GREM2: variants seen among roughly 807,000 people sequenced by gnomAD.
GREM2 encodes gremlin-2.
Under a neutral mutation model 14.2 loss-of-function variants are expected in GREM2, and 11 were observed. That is an observed-to-expected ratio of 0.78 (90% confidence interval 0.49 to 1.28). The LOEUF is 1.28. GREM2 is among the 50% of genes most tolerant of loss of function. The probability of loss-of-function intolerance (pLI) is 0.00; values close to 1 mark genes in which losing one functional copy is unlikely to be tolerated. For missense variants in GREM2, 210 were observed against 218.5 expected (o/e 0.96, Z 0.24); for synonymous variants, 98 against 97.6 (o/e 1.00, Z -0.02).
intron 1 of GREM2, among the ~76,000 whole-genome samples, chr1:240,495,860 G>A (rs573748694): frequency 3.9e-5 from 6 of 152,120 alleles, no homozygotes; most frequent in Admixed American, 2.6e-4. Flanking sequence ...TCCATGGAAC[G>A]TTTATTCTGG....
intron 1 of GREM2, among the ~76,000 whole-genome samples, chr1:240,499,574 G>A (rs188505368): frequency 9.9e-4 from 150 of 152,284 alleles, no homozygotes; most frequent in African/African-American, 3.4e-3. Flanking sequence ...GCACTTCATC[G>A]ATGACTTGGA....
intron 1 of GREM2, among the ~76,000 whole-genome samples, chr1:240,497,402 T>C (rs1677450970): frequency 6.6e-6 from 1 of 151,996 alleles, no homozygotes. Flanking sequence ...TTTCTAAAAA[T>C]TGCCTCACCC....
intron 1 of GREM2, among the ~76,000 whole-genome samples, chr1:240,528,435 C>T (rs1678273547): frequency 6.6e-6 from 1 of 152,118 alleles, no homozygotes; most frequent in Non-Finnish European, 1.5e-5. Flanking sequence ...CAGCCAGTCA[C>T]TCATTATTCA....
At chr1:240,571,770 G>A (rs1679266610) in intron 1 of GREM2, among the ~76,000 whole-genome samples, 1 of 152,082 alleles carries the variant, frequency 6.6e-6, no homozygotes, top group Admixed American at 6.6e-5. Flanking sequence ...GGTAATTCTT[G>A]CCTTATGATA....
At chr1:240,547,687 A>G (rs1296582775) in intron 1 of GREM2, among the ~76,000 whole-genome samples, 1 of 151,936 alleles carries the variant, frequency 6.6e-6, no homozygotes, top group Non-Finnish European at 1.5e-5. Context: ...GTAAATGAAA[A>G]GCTTCTTAGC....
intron 1 of GREM2, among the ~76,000 whole-genome samples, chr1:240,505,749 GA>G (rs35390997): frequency 0.4 from 59,467 of 147,944 alleles, 12,232 homozygotes; most frequent in African/African-American, 0.51. Context: ...AGAATGATAG[GA>G]AAAAAAAAAG....
chr1:240,515,866 A>G (rs1677943649), intron 1 of GREM2, among the ~76,000 whole-genome samples: 1 of 152,184 alleles, frequency 6.6e-6, no homozygotes, highest in South Asian at 2.1e-4. Flanking sequence ...TATTGTTTGA[A>G]CAATTCCCCC....
intron 1 of GREM2, among the ~76,000 whole-genome samples, chr1:240,499,469 A>G (rs1187641718): frequency 6.6e-6 from 1 of 152,218 alleles, no homozygotes; most frequent in Non-Finnish European, 1.5e-5. Context: ...ACCCAAGTGA[A>G]AACCATGGCA....
intron 1 of GREM2, among the ~76,000 whole-genome samples, chr1:240,594,013 G>A (rs962064603): frequency 6.6e-6 from 1 of 152,008 alleles, no homozygotes; most frequent in Non-Finnish European, 1.5e-5. Flanking sequence ...GAGTGCAATG[G>A]CATGATCATA....
intron 1 of GREM2, among the ~76,000 whole-genome samples, chr1:240,583,250 G>A (rs776407667): frequency 1.3e-5 from 2 of 151,976 alleles, no homozygotes; most frequent in South Asian, 4.1e-4. Flanking sequence ...TTAATCTCAT[G>A]GAGGAAAAAA....
chr1:240,524,441 CAT>C (rs1678177979), intron 1 of GREM2, among the ~76,000 whole-genome samples: 1 of 152,048 alleles, frequency 6.6e-6, no homozygotes, highest in Non-Finnish European at 1.5e-5. Flanking sequence ...AGAAAAAAAA[CAT>C]AGATACATTT....
intron 1 of GREM2, among the ~76,000 whole-genome samples, chr1:240,527,174 TCTACTTATC>T (rs1558149864): frequency 1.3e-5 from 2 of 152,220 alleles, no homozygotes; most frequent in Non-Finnish European, 2.9e-5. Context: ...TGGTATGTTT[TCTACTTATC>T]TCAGCAGCCC....
rs116279640 is a variant in GREM2, at chr1:240,560,378, G to A, written c.-2+51506C>T. 3.1e-3 allele frequency among the ~76,000 whole-genome samples: 467 copies of A among 152,244 alleles called. 5 individuals are homozygous for A. The highest frequency in any genetic ancestry group is 0.011 in the African/African-American group (451 of 41,558). The stretch of plus-strand genomic sequence containing the variant: ...AAAATCATGACCTTGAGGACACCCA[G>A]AAAACGTCTCAGGTCTCAGGTCAGA... On this transcript the variant is annotated intron_variant, in intron 1 of 1. Transcript: ENST00000318160.
In GREM2 at chr1:240,510,899, C is replaced by T. The variant is rs139983204; in HGVS notation, c.-1-17423G>A. On this transcript the variant is annotated intron_variant, in intron 1 of 1. Coordinates refer to ENST00000318160, the MANE Select transcript of GREM2 (RefSeq NM_022469.4). ...GCTTTTCTTTTTAAAAAACGTAATC[C>T]TTTTGTCTTTAAATTAATTTTATTT... Among the ~76,000 whole-genome samples, 1,114 of 152,206 alleles carry T rather than the reference C, an allele frequency of 7.3e-3. 14 individuals carry two copies. The highest frequency in any genetic ancestry group is 0.025 in the African/African-American group (1,050 of 41,524).
intron 1 of GREM2, among the ~76,000 whole-genome samples, chr1:240,501,146 A>G (rs569677231): frequency 6.6e-6 from 1 of 152,202 alleles, no homozygotes; most frequent in Non-Finnish European, 1.5e-5. Context: ...ATAAATGATT[A>G]CAACTTACCC....
In GREM2 at chr1:240,506,155, C is replaced by T. The variant is rs548503868; in HGVS notation, c.-1-12679G>A. Among the ~76,000 whole-genome samples, 7 of 152,202 alleles carry T rather than the reference C, an allele frequency of 4.6e-5. No individual in the cohort carries two copies. In the East Asian group the frequency reaches 1.4e-3, roughly 29 times the overall value. On this transcript the variant is annotated intron_variant, in intron 1 of 1. Coordinates refer to ENST00000318160, the MANE Select transcript of GREM2 (RefSeq NM_022469.4). ...TTATTATTTGCAAGCATGAGAATAT[C>T]ATTAATGATTCTGGGCAAGAAGAAT...
At chr1:240,590,421 CTT>C (rs1679684561) in intron 1 of GREM2, among the ~76,000 whole-genome samples, 1 of 140,636 alleles carries the variant, frequency 7.1e-6, no homozygotes, top group African/African-American at 2.8e-5. Context: ...TTTACTTTTT[CTT>C]TTTCTTTCTT....
In GREM2 at chr1:240,548,167, C is replaced by T. The variant is rs186804497; in HGVS notation, c.-1-54691G>A. On this transcript the variant is annotated intron_variant, in intron 1 of 1. Coordinates refer to ENST00000318160, the MANE Select transcript of GREM2 (RefSeq NM_022469.4). ...GTATGTGCCTGTAATCCCAGCTACT[C>T]GGGAGGCTGAGGCAGGAGAATCACT... is the stretch of plus-strand genomic sequence containing the variant. Among the ~76,000 whole-genome samples the T allele has an allele frequency of 3.7e-3, 564 of 151,612 alleles. 1 individual carries two copies. Among genetic ancestry groups the T allele is most frequent in the Non-Finnish European group, 6.3e-3 (429 of 67,940 alleles).
chr1:240,530,151 T>G (rs1248586540), intron 1 of GREM2, among the ~76,000 whole-genome samples: 1 of 152,132 alleles, frequency 6.6e-6, no homozygotes, highest in Non-Finnish European at 1.5e-5. Context: ...AATAAGGAGT[T>G]CTATAACCAT....
Sources: gnomAD v4.1 joint callset for allele counts (sites outside exome capture counted in the v4.1 genomes callset) on GRCh38, gnomAD v4.1.1 for gene constraint, MANE v1.5 for transcripts, NCBI Gene and HGNC (gene_info 2026-07-23, HGNC 2026-07-21) for gene names.